Variants in RPGR observed in about 807,000 individuals in gnomAD.
RPGR encodes retinitis pigmentosa GTPase regulator.
In RPGR, 10 loss-of-function variants were observed where a neutral mutation model predicts 56.3. The observed-to-expected ratio is 0.18, with a 90% CI of 0.11 to 0.30. The LOEUF (loss-of-function observed/expected upper bound fraction) is 0.30. RPGR is among the 10% of genes least tolerant of loss of function. The pLI, the probability that RPGR is intolerant of heterozygous loss-of-function variation, is 1.00. For synonymous variants in RPGR, 197 were observed against 212.9 expected, an observed-to-expected ratio of 0.93 and a Z score of 0.65; for missense variants, 538 against 590.9, an observed-to-expected ratio of 0.91 and a Z score of 0.93.
chrX:38,279,951 T>C (rs2067000564), intron 15 of RPGR, among the ~76,000 whole-genome samples: 1 of 110,633 alleles, frequency 9.0e-6, no homozygotes, highest in African/African-American at 3.3e-5. Context: ...TAAGTTCATG[T>C]TTTAACTACA....
At chrX:38,276,837 T>C (rs1368359926) in intron 15 of RPGR, 2 of 892,434 alleles carry the variant, frequency 2.2e-6, no homozygotes, top group Non-Finnish European at 3.2e-6. Flanking sequence ...GGATTTGATA[T>C]TGCTGTCATA....
Position 38,301,334 on chromosome X carries a change from G to A in RPGR, c.972C>T (p.His324=), listed in dbSNP as rs771739225. The A allele has an allele frequency of 3.1e-5, 37 of 1,203,876 alleles. No individual in the cohort carries two copies. Among genetic ancestry groups the A allele is most frequent in the Middle Eastern group, 2.3e-4 (1 of 4,356 alleles). Residue 324 remains histidine (H), a synonymous_variant, in exon 9 of 19, where the codon CAC becomes CAT. Coordinates refer to ENST00000642395, the MANE Select transcript of RPGR (RefSeq NM_000328.3). ...TCTCCAGTCCAAGTCCTAATTTTCC[G>A]TGGCGACCATCTCCAAAAGTATACA...
At chrX:38,314,949 A>G (rs924021418) in intron 6 of RPGR, among the ~76,000 whole-genome samples, 1 of 111,962 alleles carries the variant, frequency 8.9e-6, no homozygotes, top group Non-Finnish European at 1.9e-5. Context: ...TCAAAGAGAT[A>G]TCTGCACTCC....
At chrX:38,280,379 A>G (rs1256666506) in intron 15 of RPGR, among the ~76,000 whole-genome samples, 2 of 110,546 alleles carry the variant, frequency 1.8e-5, no homozygotes, top group African/African-American at 6.6e-5. Context: ...TGTGTCCTCT[A>G]TACATCCTTT....
chrX:38,320,203 A>G (rs1216114226), intron 4 of RPGR, among the ~76,000 whole-genome samples: 2 of 101,728 alleles, frequency 2.0e-5, no homozygotes, highest in African/African-American at 3.6e-5. Flanking sequence ...AGAAAGGGAA[A>G]GGTATGGAGA....
chrX:38,291,173 G>T, intron 12 of RPGR, 149 bp from the exon 13 acceptor site: 1 of 239,533 alleles, frequency 4.2e-6, no homozygotes, highest in Non-Finnish European at 7.2e-6. Context: ...AGTTCAGATA[G>T]TAATAGAATC....
At chrX:38,301,805 C>T (rs773962133) in intron 8 of RPGR, among the ~76,000 whole-genome samples, 29 of 111,047 alleles carry the variant, frequency 2.6e-4, no homozygotes, top group Non-Finnish European at 5.3e-4. Context: ...CATTTGGGGC[C>T]AGATAATTCA....
chrX:38,297,107 G>A (rs1442416544), intron 11 of RPGR, among the ~76,000 whole-genome samples, 177 bp downstream of exon 11: 3 of 112,053 alleles, frequency 2.7e-5, no homozygotes, highest in Non-Finnish European at 5.6e-5. Context: ...TAGGAGCACT[G>A]ATGGTGCTTT....
intron 1 of RPGR, chrX:38,325,684 C>T (rs1349427184): frequency 4.5e-5 from 5 of 112,071 alleles, no homozygotes; most frequent in Non-Finnish European, 9.4e-5. Flanking sequence ...CCCCCCAAAA[C>T]ATCATCACAA....
chrX:38,319,939 AT>A (rs777366825), intron 4 of RPGR, among the ~76,000 whole-genome samples: 198 of 111,999 alleles, frequency 1.8e-3, no homozygotes, highest in Non-Finnish European at 3.2e-3. Flanking sequence ...TGTTATTTTT[AT>A]TTTTTGTTTT....
intron 5 of RPGR, 94 bp from the exon 6 acceptor site, chrX:38,317,559 T>C (rs1290450932): frequency 2.6e-6 from 2 of 776,022 alleles, no homozygotes; most frequent in Non-Finnish European, 3.7e-6. Flanking sequence ...TTTTATTAGT[T>C]CATAAAAATT....
chrX:38,287,055 C>T lies in RPGR; in HGVS notation c.1905+39G>A, dbSNP rs756479756. 4.1e-6 allele frequency: 5 copies of T among 1,211,117 alleles called. No individual in the cohort carries two copies. In the South Asian group the frequency reaches 7.0e-5, roughly 17 times the overall value. ...CATCCCCTCTACCTTCAGGCCCATC[C>T]TCTGCTTCTCCCACTGATTTTGCCT... On this transcript the variant is annotated intron_variant, in intron 15 of 18. Coordinates refer to ENST00000642395, the MANE Select transcript of RPGR (RefSeq NM_000328.3).
At chrX:38,321,396 G>C (rs1323466043) in intron 3 of RPGR, among the ~76,000 whole-genome samples, 1 of 111,474 alleles carries the variant, frequency 9.0e-6, no homozygotes, top group East Asian at 2.8e-4. Flanking sequence ...GGGTGTGGTG[G>C]CTCCCCAGCA....
chrX:38,317,224 T>G, intron 6 of RPGR, 92 bp downstream of exon 6: 2 of 940,340 alleles, frequency 2.1e-6, no homozygotes, highest in East Asian at 3.2e-5. Context: ...ATGGCATTAT[T>G]TCTATAGAAC....
chrX:38,301,020 G>A (rs996710307), intron 9 of RPGR, among the ~76,000 whole-genome samples: 1 of 111,773 alleles, frequency 8.9e-6, no homozygotes, highest in Non-Finnish European at 1.9e-5. Flanking sequence ...AAGCAGAAGA[G>A]ACAAGATTTC....
intron 7 of RPGR, chrX:38,308,389 A>G (rs1039201981): frequency 1.8e-5 from 2 of 112,191 alleles, no homozygotes; most frequent in Non-Finnish European, 1.9e-5. Context: ...CGAAAATATC[A>G]TCCTTAAGTG....
chrX:38,322,781 G>A, intron 3 of RPGR, 72 bp downstream of exon 3: 1 of 779,800 alleles, frequency 1.3e-6, no homozygotes, highest in South Asian at 2.2e-5. Flanking sequence ...TATTATTTAT[G>A]ACATTAAAGA....
At chrX:38,323,646 C>A (rs1415598828) in intron 1 of RPGR, 122 bp from the exon 2 acceptor site, 2 of 742,709 alleles carry the variant, frequency 2.7e-6, no homozygotes, top group African/African-American at 2.1e-5. Flanking sequence ...CCCACTCTGG[C>A]AATGTTTAAG....
Position 38,289,769 on chromosome X carries a change from G to A in RPGR, c.1572+1190C>T, listed in dbSNP as rs1360031603. On this transcript the variant is annotated intron_variant, in intron 13 of 18. Transcript: ENST00000642395. The stretch of plus-strand genomic sequence containing the variant: ...GTCAGCTTAAAAGGAATTGCTTTCC[G>A]TTTCTGGCTGTTCTTGCTATTGCTC... Among the ~76,000 whole-genome samples, 4 of 112,478 alleles carry A rather than the reference G, an allele frequency of 3.6e-5. No individual in the cohort carries two copies. The East Asian group carries it at 8.3e-4, about 23-fold the overall frequency.
Sources: allele counts gnomAD v4.1 joint callset (sites outside exome capture counted in the v4.1 genomes callset), GRCh38; gene constraint gnomAD v4.1.1; transcripts MANE v1.5; gene names NCBI Gene and HGNC (gene_info 2026-07-23, HGNC 2026-07-21).